Variants in ZAN observed in about 807,000 individuals in gnomAD.
ZAN encodes zonadhesin, also known as zonadhesin (gene/pseudogene).
Under a neutral mutation model 286.2 loss-of-function variants are expected in ZAN, and 260 were observed. The ratio of observed to expected loss-of-function variants is 0.91; its 90% CI spans 0.82 to 1.01. The LOEUF (loss-of-function observed/expected upper bound fraction) is 1.01. ZAN is among the 50% of genes least tolerant of loss of function. The pLI is 0.00. For missense variants in ZAN, 3,410 were observed against 3,639.2 expected, an observed-to-expected ratio of 0.94 and a Z score of 1.62; for synonymous variants, 1,368 against 1,417.5, an observed-to-expected ratio of 0.97 and a Z score of 0.79.
chr7:100,771,358 C>A (rs373489020), intron 28 of ZAN, among the ~76,000 whole-genome samples: 2 of 152,212 alleles, frequency 1.3e-5, no homozygotes, highest in East Asian at 3.9e-4. Context: ...AGGTGTGCAC[C>A]ACCATGGCCG....
chr7:100,781,598 AT>A (rs1388848436), intron 35 of ZAN, among the ~76,000 whole-genome samples: 37 of 124,968 alleles, frequency 3.0e-4, no homozygotes, highest in South Asian at 5.0e-4. Context: ...AGATCCTCTG[AT>A]TTTTTTTTTT....
At chr7:100,768,070 T>C (rs940638305) in intron 26 of ZAN, 59 bp downstream of exon 26, 1 of 1,542,634 alleles carries the variant, frequency 6.5e-7, no homozygotes, top group Non-Finnish European at 8.7e-7. Flanking sequence ...TGTGACCTGG[T>C]CCCAGCTCCC....
chr7:100,773,633 C>A, intron 30 of ZAN, 88 bp from the exon 31 acceptor site: 1 of 1,546,692 alleles, frequency 6.5e-7, no homozygotes, highest in Non-Finnish European at 8.8e-7. Flanking sequence ...GGAGGAAGGG[C>A]AGATGCTGCA....
At position 100,758,184 on chromosome 7, in the gene ZAN, C is replaced by G. The variant is rs1167910412; in HGVS notation, c.3310-18C>G. ...TAGGAGCTATATGACTGTGTGACCT[C>G]ACATCCCTTTCTCCCAGCCTGGGGC... On this transcript the variant is annotated intron_variant, in intron 15 of 47. Coordinates refer to ENST00000613979, the MANE Select transcript of ZAN (RefSeq NM_003386.3). The G allele has an allele frequency of 6.2e-7, 1 of 1,607,450 alleles. No homozygotes were observed. Among genetic ancestry groups the G allele is most frequent in the Admixed American group, 1.7e-5 (1 of 59,324 alleles).
intron 19 of ZAN, among the ~76,000 whole-genome samples, chr7:100,761,669 A>G (rs1201393606): frequency 6.6e-6 from 1 of 151,826 alleles, no homozygotes; most frequent in African/African-American, 2.4e-5. Flanking sequence ...TAATTTGGCC[A>G]GGCACGGTGG....
rs1367088304 is a variant in ZAN at position 100,734,232 on chromosome 7, C to T, written c.53+11C>T. 2 of 1,430,034 alleles carry T rather than the reference C, an allele frequency of 1.4e-6. No homozygotes were observed. Among genetic ancestry groups the T allele is most frequent in the Non-Finnish European group, 1.9e-6 (2 of 1,053,782 alleles). The allele number at this position is 1,430,034 out of a possible 1,614,324, so 88.6% of individuals were successfully genotyped here. A position where few individuals can be genotyped will look rare whatever the true frequency, so the allele number is the denominator to read the frequency against. On this transcript the variant is annotated intron_variant, in intron 2 of 47. Coordinates refer to ENST00000613979, the MANE Select transcript of ZAN (RefSeq NM_003386.3). ...GGCTGCCCTTTTCAGGTAAGCTGGGCCCAGGGGGTAATGATAAACCAGGGT... is the reference window on the plus strand; with the variant it reads ...GGCTGCCCTTTTCAGGTAAGCTGGGTCCAGGGGGTAATGATAAACCAGGGT...
chr7:100,749,639 C>CAAAAAAAA (rs762868522), intron 11 of ZAN, among the ~76,000 whole-genome samples: 1 of 66,888 alleles, frequency 1.5e-5, no homozygotes, highest in African/African-American at 5.5e-5. Context: ...GACTCCGTCT[C>CAAAAAAAA]AAAAAAAAAA....
intron 36 of ZAN, among the ~76,000 whole-genome samples, chr7:100,785,419 T>C (rs980828760): frequency 2.0e-5 from 3 of 151,628 alleles, no homozygotes; most frequent in African/African-American, 4.8e-5. Flanking sequence ...TTAGTAGAGA[T>C]TGGGTTTCAC....
chr7:100,758,767 T>C, intron 17 of ZAN, 117 bp downstream of exon 17: 2 of 1,454,470 alleles, frequency 1.4e-6, no homozygotes, highest in Non-Finnish European at 1.8e-6. Context: ...AGAGGCAAGA[T>C]AGGAGCAAGT....
At chr7:100,790,378 C>T (rs367635559) in intron 39 of ZAN, among the ~76,000 whole-genome samples, 2 of 150,944 alleles carry the variant, frequency 1.3e-5, no homozygotes, top group East Asian at 2.0e-4. Flanking sequence ...CTGGCTAACA[C>T]GGTGAGACCC....
intron 14 of ZAN, among the ~76,000 whole-genome samples, chr7:100,753,435 T>C (rs1321203647): frequency 6.6e-6 from 1 of 151,724 alleles, no homozygotes; most frequent in Non-Finnish European, 1.5e-5. Flanking sequence ...AGGGCTGGAG[T>C]GGGTGGGGGT....
chr7:100,776,718 CTTTTTTTTTT>C (rs1161585746), intron 34 of ZAN, among the ~76,000 whole-genome samples, 154 bp downstream of exon 34: 1,441 of 47,514 alleles, frequency 0.03, 48 homozygotes, highest in African/African-American at 0.11. Context: ...CCTCTCCTTT[CTTTTTTTTTT>C]TTTTTTTTTT....
chr7:100,760,419 C>T lies in ZAN; in HGVS notation c.3725C>T (p.Ala1242Val), dbSNP rs184551492. ...GGGGGTCAGCAAGTTACTCTCCCAG[C>T]CATACCCTCTAAAGGCGTCTTCCTG... ...LVGGQQVTLP[A>V]IPSKGVFLGA... Residue 1242 changes from alanine to valine, a missense_variant, in exon 19 of 48, where the codon GCC becomes GTC. Physicochemically the swap from Ala to Val is moderately conservative, Grantham distance 64. Around this residue, in one of 7 missense-constraint regions of ZAN, gnomAD observed 1,042 missense variants for 1,058.0 expected, o/e 0.98. Coordinates refer to ENST00000613979, the MANE Select transcript of ZAN (RefSeq NM_003386.3). The T allele has an allele frequency of 6.2e-7, 1 of 1,613,944 alleles. No homozygotes were observed. The highest frequency in any genetic ancestry group is 2.2e-5 in the East Asian group (1 of 44,882).
rs1811781160 is a variant in ZAN at position 100,789,285 on chromosome 7, A to C, written c.7295A>C (p.Gln2432Pro). The C allele has an allele frequency of 6.2e-7, 1 of 1,613,822 alleles. No homozygotes were observed. Among genetic ancestry groups the C allele is most frequent in the African/African-American group, 1.3e-5 (1 of 74,928 alleles). ...NEHLRVTLWG[Q>P]RLYLVTDFEL... Reference sequence around the variant, plus strand: ...CACCTGCGGGTCACCCTGTGGGGCCAACGGCTCTACCTGGTCACCGACTTT... The same window carrying C: ...CACCTGCGGGTCACCCTGTGGGGCCCACGGCTCTACCTGGTCACCGACTTT... The change falls in exon 39 of 48, where the codon CAA becomes CCA. Residue 2432 changes from glutamine (Q) to proline (P), a missense_variant. Physicochemically the swap from Gln to Pro is moderately conservative, Grantham distance 76. Around this residue, in one of 7 missense-constraint regions of ZAN, gnomAD observed 1,289 missense variants for 1,314.3 expected, o/e 0.98. Transcript: ENST00000613979.
intron 18 of ZAN, 142 bp from the exon 19 acceptor site, chr7:100,760,249 A>G: frequency 2.7e-6 from 3 of 1,122,388 alleles, no homozygotes; most frequent in Non-Finnish European, 3.8e-6. Flanking sequence ...AGTGGTGAGG[A>G]AGCTCCAGTC....
At chr7:100,776,616 T>A in intron 34 of ZAN, 52 bp downstream of exon 34, 1 of 1,405,192 alleles carries the variant, frequency 7.1e-7, no homozygotes, top group Non-Finnish European at 9.4e-7. Flanking sequence ...TTTCTTTGTC[T>A]TTCTTTCTTT....
In ZAN at chr7:100,764,024, C is replaced by T. The variant is rs375869113; in HGVS notation, c.4098-3C>T. 1 of 1,613,800 alleles carries T rather than the reference C, an allele frequency of 6.2e-7. No individual in the cohort carries two copies. The highest frequency in any genetic ancestry group is 2.2e-5 in the East Asian group (1 of 44,894). On this transcript the variant is annotated splice_polypyrimidine_tract_variant and splice_region_variant and intron_variant, in intron 21 of 47. Coordinates refer to ENST00000613979, the MANE Select transcript of ZAN (RefSeq NM_003386.3). ...TTCCCCCTGACTTGGTCACTCCCCTCAGGACATGCCTGCTGCACGTGAAGG... is the reference window on the plus strand; with the variant it reads ...TTCCCCCTGACTTGGTCACTCCCCTTAGGACATGCCTGCTGCACGTGAAGG...
At chr7:100,778,925 C>T (rs1811002563) in intron 34 of ZAN, among the ~76,000 whole-genome samples, 1 of 151,964 alleles carries the variant, frequency 6.6e-6, no homozygotes, top group South Asian at 2.1e-4. Context: ...CCCAGCTACT[C>T]AAAAGGCTAA....
chr7:100,744,051 A>T (rs916445576), intron 7 of ZAN, among the ~76,000 whole-genome samples: 2 of 149,354 alleles, frequency 1.3e-5, no homozygotes, highest in Non-Finnish European at 3.0e-5. Flanking sequence ...CTTAATACTT[A>T]TCCTTTCTCA....
Sources: allele counts gnomAD v4.1 joint callset (sites outside exome capture counted in the v4.1 genomes callset), GRCh38; gene constraint gnomAD v4.1.1; regional missense constraint gnomAD v4.1.1; transcripts MANE v1.5; gene names NCBI Gene and HGNC (gene_info 2026-07-23, HGNC 2026-07-21).